Variants in SUGCT observed in about 807,000 individuals in gnomAD.
SUGCT encodes succinyl-CoA:glutarate-CoA transferase, also known as succinyl-CoA:glutarate CoA-transferase.
A neutral mutation model predicts 55.0 loss-of-function variants in SUGCT; 41 were observed. That is an observed-to-expected ratio of 0.74 (90% CI 0.58 to 0.97). SUGCT has a LOEUF of 0.97. Among genes scored for constraint, SUGCT ranks in the 50% least tolerant of loss-of-function variants. SUGCT has a pLI of 0.00. For missense variants in SUGCT, 568 were observed against 547.8 expected (o/e 1.04, Z -0.37); for synonymous variants, 187 against 200.4 (o/e 0.93, Z 0.56).
At chr7:40,586,099 A>G (rs921005576) in intron 12 of SUGCT, among the ~76,000 whole-genome samples, 1 of 152,168 alleles carries the variant, frequency 6.6e-6, no homozygotes, top group African/African-American at 2.4e-5. Context: ...CCCCTAAAAG[A>G]TGCTGTATCA....
At chr7:40,605,711 TAAC>T (rs2151761530) in intron 12 of SUGCT, among the ~76,000 whole-genome samples, 1 of 152,294 alleles carries the variant, frequency 6.6e-6, no homozygotes, top group African/African-American at 2.4e-5. Flanking sequence ...GAGATGGGAA[TAAC>T]AACACTATGA....
chr7:40,186,529 G>C (rs981018734), intron 3 of SUGCT, among the ~76,000 whole-genome samples: 3 of 152,100 alleles, frequency 2.0e-5, no homozygotes. Flanking sequence ...AAAGTGTTGG[G>C]ATTACCAGCA....
rs372398107 is a variant in SUGCT at position 40,226,842 on chromosome 7, C to T, written c.485-10793C>T. On this transcript the variant is annotated intron_variant, in intron 6 of 13. Transcript: ENST00000335693. ...TTTATTGGCCCAGCGTGGTGGCTCA[C>T]GCTTGCAGTGAGCTGAGGTCCTGCC... is the stretch of plus-strand genomic sequence containing the variant. 1.1e-4 allele frequency among the ~76,000 whole-genome samples: 17 copies of T among 151,874 alleles called. No homozygotes were observed. The South Asian group carries it at 1.5e-3, about 13-fold the overall frequency.
intron 11 of SUGCT, among the ~76,000 whole-genome samples, chr7:40,472,414 A>T (rs192347639): frequency 1.7e-4 from 26 of 152,282 alleles, no homozygotes; most frequent in Non-Finnish European, 1.3e-4. Flanking sequence ...ATTTAAAGGC[A>T]TAATTATAAA....
At chr7:40,611,420 ATTGAAAGAGG>A (rs1479152339) in intron 12 of SUGCT, among the ~76,000 whole-genome samples, 1 of 152,194 alleles carries the variant, frequency 6.6e-6, no homozygotes, top group Non-Finnish European at 1.5e-5. Flanking sequence ...GTGGGGCATG[ATTGAAAGAGG>A]AACAAAACAT....
chr7:40,539,078 C>CAA (rs34855051), intron 12 of SUGCT: 139 of 103,542 alleles, frequency 1.3e-3, no homozygotes, highest in African/African-American at 1.3e-3. Context: ...GACTCCATCT[C>CAA]AAAAAAAAAA....
intron 12 of SUGCT, among the ~76,000 whole-genome samples, chr7:40,582,318 G>A (rs1331825604): frequency 1.3e-5 from 2 of 152,090 alleles, no homozygotes; most frequent in African/African-American, 4.8e-5. Flanking sequence ...TTTCCTAACT[G>A]AGGGCATATT....
intron 7 of SUGCT, among the ~76,000 whole-genome samples, chr7:40,252,218 C>T (rs998771361): frequency 6.6e-6 from 1 of 152,118 alleles, no homozygotes; most frequent in African/African-American, 2.4e-5. Context: ...GCGTCGAGCT[C>T]CTGAGCTGAA....
intron 9 of SUGCT, among the ~76,000 whole-genome samples, chr7:40,430,872 G>A (rs887793502): frequency 1.3e-5 from 2 of 151,812 alleles, no homozygotes; most frequent in African/African-American, 4.8e-5. Flanking sequence ...TCAGCACTTT[G>A]GGAGGCTGAG....
At chr7:40,950,813 G>A in the SUGCT span, among the ~76,000 whole-genome samples, 1 of 152,162 alleles carries the variant, frequency 6.6e-6, no homozygotes, top group Non-Finnish European at 1.5e-5. Context: ...AAGCCCACTT[G>A]ATCATGGTGG....
intron 12 of SUGCT, among the ~76,000 whole-genome samples, chr7:40,550,673 G>A (rs1298226283): frequency 2.6e-5 from 4 of 152,126 alleles, no homozygotes; most frequent in African/African-American, 9.7e-5. Flanking sequence ...ATAATTATTT[G>A]AACAGTTAAA....
chr7:40,379,662 A>C (rs1037632681), intron 9 of SUGCT, among the ~76,000 whole-genome samples: 2 of 152,200 alleles, frequency 1.3e-5, no homozygotes, highest in African/African-American at 2.4e-5. Flanking sequence ...CCTGTCTTCA[A>C]GTATTTGCTG....
chr7:40,832,965 T>C (rs984520477), intron 13 of SUGCT, among the ~76,000 whole-genome samples: 12 of 152,058 alleles, frequency 7.9e-5, no homozygotes, highest in Admixed American at 7.9e-4. Flanking sequence ...TGAGTCACTG[T>C]GCCGGGCCTC....
chr7:40,354,207 A>G (rs2151204936), intron 9 of SUGCT, among the ~76,000 whole-genome samples: 1 of 152,302 alleles, frequency 6.6e-6, no homozygotes, highest in East Asian at 1.9e-4. Flanking sequence ...AGAAGGCTAA[A>G]TAAGAATTTG....
chr7:40,161,337 T>C (rs1784136285), intron 1 of SUGCT, among the ~76,000 whole-genome samples: 1 of 152,192 alleles, frequency 6.6e-6, no homozygotes, highest in African/African-American at 2.4e-5. Flanking sequence ...CCGTGTTAAA[T>C]ATCTAAACTA....
chr7:40,877,809 T>G, the SUGCT span, among the ~76,000 whole-genome samples: 3 of 152,246 alleles, frequency 2.0e-5, no homozygotes, highest in Non-Finnish European at 4.4e-5. Context: ...TAGAATATGC[T>G]CATCACATTA....
intron 12 of SUGCT, among the ~76,000 whole-genome samples, chr7:40,713,468 C>A (rs1785837271): frequency 6.6e-6 from 1 of 152,190 alleles, no homozygotes; most frequent in Non-Finnish European, 1.5e-5. Context: ...CTTTGTACAT[C>A]CATGGTCAGG....
chr7:40,203,776 G>GA (rs924845315), intron 6 of SUGCT, among the ~76,000 whole-genome samples: 81 of 124,970 alleles, frequency 6.5e-4, no homozygotes, highest in African/African-American at 1.5e-3. Context: ...CTCCATCTCA[G>GA]AAAAAAAAAA....
chr7:40,498,164 A>G (rs932453176), intron 12 of SUGCT, among the ~76,000 whole-genome samples: 10 of 152,196 alleles, frequency 6.6e-5, no homozygotes, highest in African/African-American at 9.6e-5. Flanking sequence ...TCAACGTACA[A>G]GCTTTTCATA....
Sources: allele counts gnomAD v4.1 joint callset (sites outside exome capture counted in the v4.1 genomes callset), GRCh38; gene constraint gnomAD v4.1.1; transcripts MANE v1.5; gene names NCBI Gene and HGNC (gene_info 2026-07-23, HGNC 2026-07-21).